LRP1B: variants seen among roughly 807,000 people sequenced by gnomAD.
The protein encoded by LRP1B is low-density lipoprotein receptor-related protein 1B.
Under a neutral mutation model 556.6 loss-of-function variants are expected in LRP1B, and 217 were observed. The observed-to-expected ratio is 0.39, with a 90% CI of 0.35 to 0.44. LRP1B has a LOEUF of 0.44. LRP1B is among the 20% of genes least tolerant of loss of function. The pLI, the probability that LRP1B is intolerant of heterozygous loss-of-function variation, is 1.00. For missense variants in LRP1B, 5,053 were observed against 5,620.8 expected, an observed-to-expected ratio of 0.90 and a Z score of 3.23; for synonymous variants, 2,047 against 1,865.8, an observed-to-expected ratio of 1.10 and a Z score of -2.50.
intron 27 of LRP1B, among the ~76,000 whole-genome samples, chr2:140,861,449 A>C (rs1692795993): frequency 6.6e-6 from 1 of 152,152 alleles, no homozygotes; most frequent in South Asian, 2.1e-4. Context: ...CTTTATAACA[A>C]TTCCATTTTA....
At chr2:140,587,877 A>G (rs1682050396) in intron 43 of LRP1B, among the ~76,000 whole-genome samples, 1 of 151,996 alleles carries the variant, frequency 6.6e-6, no homozygotes, top group African/African-American at 2.4e-5. Flanking sequence ...GAAGAAAACA[A>G]TTTTAATAAT....
intron 3 of LRP1B, among the ~76,000 whole-genome samples, chr2:141,364,411 A>AAC (rs139037221): frequency 0.49 from 72,995 of 149,460 alleles, 19,505 homozygotes; most frequent in Non-Finnish European, 0.62. Context: ...ATTAAATCAT[A>AAC]ACACACACAC....
intron 3 of LRP1B, among the ~76,000 whole-genome samples, chr2:141,470,802 C>T (rs573329050): frequency 6.6e-6 from 1 of 152,058 alleles, no homozygotes; most frequent in African/African-American, 2.4e-5. Context: ...ATAATTCATA[C>T]TTTTGAATAA....
chr2:140,974,619 AAAG>A (rs1696536483), intron 18 of LRP1B, among the ~76,000 whole-genome samples: 1 of 152,228 alleles, frequency 6.6e-6, no homozygotes, highest in Non-Finnish European at 1.5e-5. Flanking sequence ...GGAAGAAGGA[AAAG>A]AAGAGAGACA....
intron 2 of LRP1B, among the ~76,000 whole-genome samples, chr2:141,657,917 T>G (rs1690074920): frequency 6.6e-6 from 1 of 152,180 alleles, no homozygotes; most frequent in African/African-American, 2.4e-5. Flanking sequence ...CTCCCATCCT[T>G]TCTATTAATT....
At chr2:141,013,861 C>T in intron 13 of LRP1B, 116 bp from the exon 14 acceptor site, 1 of 555,816 alleles carries the variant, frequency 1.8e-6, no homozygotes, top group East Asian at 3.5e-5. Context: ...TATCTTAACT[C>T]ATTTTCTCTG....
chr2:142,083,370 C>T (rs543050219), intron 1 of LRP1B, among the ~76,000 whole-genome samples: 5 of 152,196 alleles, frequency 3.3e-5, no homozygotes, highest in East Asian at 3.9e-4. Context: ...TCTCACTTAT[C>T]GGTCCTTCAA....
chr2:141,294,751 A>AT (rs1249251306), intron 3 of LRP1B, among the ~76,000 whole-genome samples: 1 of 151,274 alleles, frequency 6.6e-6, no homozygotes, highest in Non-Finnish European at 1.5e-5. Flanking sequence ...AAAAAAAAAA[A>AT]AATAGAAACC....
chr2:141,873,903 A>G (rs935640972), intron 1 of LRP1B, among the ~76,000 whole-genome samples: 1 of 151,930 alleles, frequency 6.6e-6, no homozygotes, highest in Non-Finnish European at 1.5e-5. Flanking sequence ...AGCCTAGTGA[A>G]TTTTCACGAC....
chr2:142,039,331 TC>T (rs1703989274), intron 1 of LRP1B, among the ~76,000 whole-genome samples: 1 of 151,402 alleles, frequency 6.6e-6, no homozygotes, highest in African/African-American at 2.4e-5. Flanking sequence ...ACTCATCAAA[TC>T]CTGTGATCCT....
chr2:141,913,919 T>C (rs1054185378), intron 1 of LRP1B, among the ~76,000 whole-genome samples: 6 of 152,064 alleles, frequency 3.9e-5, no homozygotes, highest in Admixed American at 3.9e-4. Flanking sequence ...GGTAATTTTT[T>C]GTATTTTTAG....
intron 2 of LRP1B, among the ~76,000 whole-genome samples, chr2:141,799,385 T>C (rs1695929117): frequency 6.6e-6 from 1 of 152,088 alleles, no homozygotes; most frequent in Non-Finnish European, 1.5e-5. Context: ...TCATGAAACG[T>C]GAGGGGGTTT....
Position 141,952,242 on chromosome 2 carries a change from A to G in LRP1B, c.83-141841T>C, listed in dbSNP as rs1574524841. On this transcript the variant is annotated intron_variant, in intron 1 of 90. Transcript: ENST00000389484. ...TATATGTGCCACATTTTCTTAATCC[A>G]GTCTATCATTGATGGACATTTGGGT... is the stretch of plus-strand genomic sequence containing the variant. 2.0e-5 allele frequency among the ~76,000 whole-genome samples: 3 copies of G among 151,958 alleles called. No individual in the cohort carries two copies. In the East Asian group the frequency reaches 5.8e-4, roughly 30 times the overall value.
Position 140,256,757 on chromosome 2 carries a change from G to A in LRP1B, c.13248-9595C>T, listed in dbSNP as rs868668239. Among the ~76,000 whole-genome samples, 17 of 151,578 alleles carry A rather than the reference G, an allele frequency of 1.1e-4. No homozygotes were observed. The South Asian group carries it at 2.7e-3, about 24-fold the overall frequency. On this transcript the variant is annotated intron_variant, in intron 86 of 90. Coordinates refer to ENST00000389484, the MANE Select transcript of LRP1B (RefSeq NM_018557.3). Reference sequence around the variant, plus strand: ...GCTGGGATTACAGGTGTGAGCCACCGCGCCCAACCCTTCTTTTTCTTTTTG... The same window carrying A: ...GCTGGGATTACAGGTGTGAGCCACCACGCCCAACCCTTCTTTTTCTTTTTG...
intron 1 of LRP1B, among the ~76,000 whole-genome samples, chr2:142,104,213 A>T (rs551605471): frequency 6.6e-6 from 1 of 152,238 alleles, no homozygotes; most frequent in East Asian, 1.9e-4. Flanking sequence ...TTCAAGGGGA[A>T]CTGGAAGGAA....
At chr2:141,105,975 G>A (rs191454328) in intron 7 of LRP1B, among the ~76,000 whole-genome samples, 17 of 152,176 alleles carry the variant, frequency 1.1e-4, no homozygotes, top group Non-Finnish European at 1.8e-4. Context: ...GAGGAAATGG[G>A]AATCCACAGG....
At chr2:140,590,812 T>C (rs1682192289) in intron 43 of LRP1B, among the ~76,000 whole-genome samples, 1 of 152,174 alleles carries the variant, frequency 6.6e-6, no homozygotes. Context: ...GACAACAGCA[T>C]TCATTTTTTC....
intron 3 of LRP1B, among the ~76,000 whole-genome samples, chr2:141,297,107 T>C (rs144339412): frequency 0.011 from 1,632 of 152,282 alleles, 30 homozygotes; most frequent in African/African-American, 0.038. Flanking sequence ...AGTCCACTGT[T>C]GTTGGGCACC....
intron 2 of LRP1B, among the ~76,000 whole-genome samples, chr2:141,760,308 A>G (rs1348869164): frequency 1.3e-5 from 2 of 152,188 alleles, no homozygotes; most frequent in Non-Finnish European, 2.9e-5. Context: ...TGAAATGCTC[A>G]TAAGTCATTG....
Sources: allele counts gnomAD v4.1 joint callset (sites outside exome capture counted in the v4.1 genomes callset), GRCh38; gene constraint gnomAD v4.1.1; transcripts MANE v1.5; gene names NCBI Gene and HGNC (gene_info 2026-07-23, HGNC 2026-07-21).